The following TRDN variants were observed in gnomAD, a reference collection of about 807,000 sequenced individuals.
The protein encoded by TRDN is triadin, also known as triadin in skeletal muscle.
TRDN carries 161 observed loss-of-function variants against 149.7 expected under a neutral mutation model. The ratio of observed to expected loss-of-function variants is 1.08; its 90% CI spans 0.95 to 1.23. The LOEUF (loss-of-function observed/expected upper bound fraction) is 1.23, where lower values mean the gene tolerates loss of function less well. Among genes scored for constraint, TRDN ranks in the 50% most tolerant of loss-of-function variants. TRDN has a pLI of 0.00. For missense variants in TRDN, 896 were observed against 823.5 expected (o/e 1.09, Z -1.08); for synonymous variants, 294 against 250.5 (o/e 1.17, Z -1.64).
At chr6:123,547,915 T>C (rs1386069937) in intron 3 of TRDN, among the ~76,000 whole-genome samples, 7 of 152,038 alleles carry the variant, frequency 4.6e-5, no homozygotes, top group East Asian at 1.9e-4. Context: ...CATAGGTTAG[T>C]TGCATAATTG....
At chr6:123,249,472 C>T (rs949354479) in intron 38 of TRDN, among the ~76,000 whole-genome samples, 2 of 152,014 alleles carry the variant, frequency 1.3e-5, no homozygotes, top group African/African-American at 4.8e-5. Flanking sequence ...AAAAAGATAC[C>T]TGTACTTCTA....
chr6:123,484,423 A>G (rs969878014), intron 9 of TRDN, among the ~76,000 whole-genome samples: 1 of 152,180 alleles, frequency 6.6e-6, no homozygotes, highest in Admixed American at 6.5e-5. Context: ...TTCAATCTTC[A>G]CTTGTGCATA....
At chr6:123,577,210 G>A (rs1049349584) in intron 1 of TRDN, among the ~76,000 whole-genome samples, 11 of 151,916 alleles carry the variant, frequency 7.2e-5, no homozygotes, top group South Asian at 2.1e-4. Context: ...TTCATTTCAC[G>A]GGGGTTTGTT....
chr6:123,283,156 A>G (rs908269876), intron 24 of TRDN, among the ~76,000 whole-genome samples: 5 of 152,004 alleles, frequency 3.3e-5, no homozygotes, highest in African/African-American at 1.2e-4. Context: ...ATTCAATTCT[A>G]AAAGGAACCT....
intron 9 of TRDN, among the ~76,000 whole-genome samples, chr6:123,492,999 G>A (rs1029611899): frequency 6.6e-6 from 1 of 152,032 alleles, no homozygotes; most frequent in African/African-American, 2.4e-5. Context: ...AACACATCCT[G>A]TATAACGCTG....
chr6:123,510,063 T>C (rs1037393689), intron 7 of TRDN: 4 of 152,164 alleles, frequency 2.6e-5, no homozygotes, highest in African/African-American at 7.2e-5. Context: ...GTATATGTAA[T>C]GAAAACAAAT....
At chr6:123,359,863 T>C (rs1450220722) in intron 20 of TRDN, among the ~76,000 whole-genome samples, 2 of 151,912 alleles carry the variant, frequency 1.3e-5, no homozygotes, top group Admixed American at 1.3e-4. Context: ...GCCTGGCTAA[T>C]TTTTCGTATT....
At chr6:123,503,244 A>G in intron 8 of TRDN, 1 of 985,012 alleles carries the variant, frequency 1.0e-6, no homozygotes, top group Non-Finnish European at 1.2e-6. Context: ...ATTCTAAATG[A>G]TGTGCTCTTG....
At position 123,222,708 on chromosome 6, in the gene TRDN, G is replaced by A. The variant is rs187515027; in HGVS notation, c.2015-1186C>T. Among the ~76,000 whole-genome samples, 95 of 150,864 alleles carry A rather than the reference G, an allele frequency of 6.3e-4. 1 individual carries two copies. The highest frequency in any genetic ancestry group is 2.3e-3 in the African/African-American group (92 of 40,616). On this transcript the variant is annotated intron_variant, in intron 39 of 40. Transcript: ENST00000334268. ...TTGCCTGCAGACAAATTTAGAAGTGGAAGAGAAAATACTTTTTTTTTATAT... is the reference window on the plus strand; with the variant it reads ...TTGCCTGCAGACAAATTTAGAAGTGAAAGAGAAAATACTTTTTTTTTATAT...
chr6:123,321,172 A>T (rs1245648848), intron 23 of TRDN, among the ~76,000 whole-genome samples: 1 of 152,072 alleles, frequency 6.6e-6, no homozygotes. Flanking sequence ...CAATTGTGTG[A>T]CCTGGGCAAG....
intron 24 of TRDN, among the ~76,000 whole-genome samples, chr6:123,286,675 A>AAAAAT (rs1429366362): frequency 6.6e-5 from 10 of 152,154 alleles, no homozygotes; most frequent in African/African-American, 2.2e-4. Flanking sequence ...AAACCTATGA[A>AAAAAT]AAAATAAAAT....
chr6:123,492,424 G>C lies in TRDN; in HGVS notation c.853+4769C>G, dbSNP rs142864073. Among the ~76,000 whole-genome samples, 413 of 152,220 alleles carry C rather than the reference G, an allele frequency of 2.7e-3. 1 individual carries two copies. Among genetic ancestry groups the C allele is most frequent in the African/African-American group, 9.6e-3 (397 of 41,544 alleles). On this transcript the variant is annotated intron_variant, in intron 9 of 40. Transcript: ENST00000334268. ...TTTCTTTATCTTTAGTGAATATAAA[G>C]AGGTCTGTGAACCATGTGATTTCTT... is the stretch of plus-strand genomic sequence containing the variant.
intron 21 of TRDN, among the ~76,000 whole-genome samples, chr6:123,347,954 T>A (rs549007269): frequency 1.3e-5 from 2 of 152,198 alleles, no homozygotes; most frequent in East Asian, 3.9e-4. Context: ...CATCAATTAT[T>A]TCTTCTTTGA....
intron 9 of TRDN, among the ~76,000 whole-genome samples, chr6:123,486,802 A>C (rs973889630): frequency 6.6e-6 from 1 of 151,946 alleles, no homozygotes; most frequent in Non-Finnish European, 1.5e-5. Flanking sequence ...CTATATCTAC[A>C]TCTACTAGGA....
rs142783745 is a variant in TRDN, at chr6:123,331,736, A to G, written c.1471+143T>C. 6.1e-3 allele frequency: 3,268 copies of G among 532,622 alleles called. 39 individuals carry two copies. The highest frequency in any genetic ancestry group is 0.028 in the East Asian group (879 of 31,150). The allele number at this position is 532,622 out of a possible 1,614,324, so 33.0% of individuals were successfully genotyped here. On this transcript the variant is annotated intron_variant, in intron 23 of 40. Coordinates refer to ENST00000334268, the MANE Select transcript of TRDN (RefSeq NM_006073.4). ...AATTTAGAATTTAATGATGGAATAT[A>G]AATCTTTTTTCTTTTGCTTAAAAAC...
At chr6:123,450,648 A>C (rs1775712601) in intron 10 of TRDN, among the ~76,000 whole-genome samples, 1 of 152,178 alleles carries the variant, frequency 6.6e-6, no homozygotes, top group Non-Finnish European at 1.5e-5. Flanking sequence ...ACACAAAAAT[A>C]GTGGGGGACT....
rs1775017088 is a variant in TRDN at position 123,218,238 on chromosome 6, A to AT, written c.*362dup. 6.2e-6 allele frequency: 1 copy of AT among 160,392 alleles called. No individual in the cohort carries two copies. Among genetic ancestry groups the AT allele is most frequent in the African/African-American group, 2.4e-5 (1 of 41,680 alleles). The allele number at this position is 160,392 out of a possible 1,614,324, so 9.9% of individuals were successfully genotyped here. A position where few individuals can be genotyped will look rare whatever the true frequency, so the allele number is the denominator to read the frequency against. ...CACAGTCTATGTTGTCATTAAAAAA[A>AT]TAATAGCTAACTGAAGCCAGGAATT... is the stretch of plus-strand genomic sequence containing the variant. On this transcript the variant is annotated 3_prime_UTR_variant, in exon 41 of 41. Transcript: ENST00000334268.
intron 21 of TRDN, chr6:123,351,337 C>T: frequency 2.1e-6 from 2 of 962,986 alleles, no homozygotes; most frequent in Non-Finnish European, 2.5e-6. Context: ...GGATAATTAC[C>T]TTTATTTTTT....
intron 9 of TRDN, among the ~76,000 whole-genome samples, chr6:123,469,471 A>G (rs976019306): frequency 6.6e-6 from 1 of 152,218 alleles, no homozygotes; most frequent in African/African-American, 2.4e-5. Context: ...AAATTTGCCT[A>G]TTAAACAAAG....
Sources: gnomAD v4.1 joint callset for allele counts (sites outside exome capture counted in the v4.1 genomes callset) on GRCh38, gnomAD v4.1.1 for gene constraint, MANE v1.5 for transcripts, NCBI Gene and HGNC (gene_info 2026-07-23, HGNC 2026-07-21) for gene names.